Variants in ATRNL1 observed in about 807,000 individuals in gnomAD.
ATRNL1 encodes attractin-like protein 1.
In ATRNL1, 95 loss-of-function variants were observed where a neutral mutation model predicts 182.7. The observed-to-expected ratio is 0.52, with a 90% CI of 0.44 to 0.62. ATRNL1 has a LOEUF of 0.62. ATRNL1 is among the 20% of genes least tolerant of loss of function. The pLI is 0.00. For missense variants in ATRNL1, 1,471 were observed against 1,679.5 expected (o/e 0.88, Z 2.17); for synonymous variants, 576 against 568.3 (o/e 1.01, Z -0.19).
intron 25 of ATRNL1, among the ~76,000 whole-genome samples, chr10:115,534,717 T>G (rs1215377705): frequency 1.3e-5 from 2 of 152,004 alleles, no homozygotes; most frequent in African/African-American, 4.8e-5. Flanking sequence ...GTCTTTACAT[T>G]TTGGCATGAT....
At chr10:115,303,696 T>C (rs1029168752) in intron 17 of ATRNL1, among the ~76,000 whole-genome samples, 1 of 152,178 alleles carries the variant, frequency 6.6e-6, no homozygotes, top group Non-Finnish European at 1.5e-5. Context: ...GGAGCAAGAC[T>C]CCTTGGATTT....
At chr10:115,305,004 A>G (rs1247528353) in intron 17 of ATRNL1, among the ~76,000 whole-genome samples, 1 of 151,836 alleles carries the variant, frequency 6.6e-6, no homozygotes, top group Non-Finnish European at 1.5e-5. Flanking sequence ...TAATTTCTTA[A>G]TAACTTCTAT....
intron 27 of ATRNL1, among the ~76,000 whole-genome samples, chr10:115,773,925 G>A (rs1949056233): frequency 6.6e-6 from 1 of 152,110 alleles, no homozygotes; most frequent in African/African-American, 2.4e-5. Flanking sequence ...CTATGGGAAA[G>A]TATAGGATTT....
At chr10:115,888,362 A>G (rs938769879) in intron 28 of ATRNL1, among the ~76,000 whole-genome samples, 12 of 152,190 alleles carry the variant, frequency 7.9e-5, no homozygotes, top group African/African-American at 2.6e-4. Flanking sequence ...AATATCTGGC[A>G]CCCCATTAGA....
chr10:115,726,625 G>GTC (rs1947605056), intron 26 of ATRNL1, among the ~76,000 whole-genome samples: 1 of 152,176 alleles, frequency 6.6e-6, no homozygotes, highest in Admixed American at 6.5e-5. Context: ...TGCTGTAGAA[G>GTC]TCCTTGCACA....
At position 115,160,271 on chromosome 10, in the gene ATRNL1, G is replaced by A. The variant is rs1846718609; in HGVS notation, c.1004+57G>A. 2.2e-5 allele frequency: 32 copies of A among 1,470,056 alleles called. No homozygotes were observed. In the South Asian group the frequency reaches 3.3e-4, roughly 15 times the overall value. The allele number at this position is 1,470,056 out of a possible 1,614,324, so 91.1% of individuals were successfully genotyped here. On this transcript the variant is annotated intron_variant, in intron 6 of 28. Coordinates refer to ENST00000355044, the MANE Select transcript of ATRNL1 (RefSeq NM_207303.4). ...TTTAAGCTGGATTTTTATCCAAAAT[G>A]TCTTTTTTTTTTAATTGTTGTCCGA... is the stretch of plus-strand genomic sequence containing the variant.
chr10:115,254,310 T>C (rs1851017875), intron 10 of ATRNL1, among the ~76,000 whole-genome samples: 1 of 152,220 alleles, frequency 6.6e-6, no homozygotes, highest in Admixed American at 6.5e-5. Context: ...GTTTCCTGAC[T>C]TTTTAATGAT....
At chr10:115,472,358 T>A (rs375882475) in intron 24 of ATRNL1, among the ~76,000 whole-genome samples, 72 of 150,802 alleles carry the variant, frequency 4.8e-4, no homozygotes, top group African/African-American at 1.7e-3. Context: ...AATTTAAAAA[T>A]TTTTTTTTCT....
At chr10:115,130,815 T>C (rs1845198945) in intron 5 of ATRNL1, among the ~76,000 whole-genome samples, 1 of 152,130 alleles carries the variant, frequency 6.6e-6, no homozygotes, top group Admixed American at 6.6e-5. Context: ...AATAGAAATA[T>C]AGCTCATATA....
chr10:115,848,529 G>A (rs1174645002), intron 28 of ATRNL1, among the ~76,000 whole-genome samples: 1 of 152,104 alleles, frequency 6.6e-6, no homozygotes, highest in Admixed American at 6.6e-5. Context: ...ATGGACCAGG[G>A]AAACCCTCTG....
chr10:115,183,597 A>G (rs1345316475), intron 8 of ATRNL1, among the ~76,000 whole-genome samples: 1 of 151,574 alleles, frequency 6.6e-6, no homozygotes, highest in African/African-American at 2.4e-5. Flanking sequence ...GAAGAAATGA[A>G]TTATTTCATA....
intron 27 of ATRNL1, among the ~76,000 whole-genome samples, chr10:115,823,989 A>T (rs1258703860): frequency 1.3e-5 from 2 of 152,232 alleles, no homozygotes; most frequent in Non-Finnish European, 2.9e-5. Context: ...AGTCAAAAAG[A>T]ACAAAGCTGG....
At chr10:115,399,904 G>A (rs373753506) in intron 20 of ATRNL1, among the ~76,000 whole-genome samples, 9 of 152,032 alleles carry the variant, frequency 5.9e-5, no homozygotes, top group South Asian at 4.1e-4. Context: ...TGAAGGCACC[G>A]AAAGCAATTG....
chr10:115,289,739 T>C (rs1373540540), intron 15 of ATRNL1, among the ~76,000 whole-genome samples: 1 of 152,152 alleles, frequency 6.6e-6, no homozygotes, highest in Non-Finnish European at 1.5e-5. Context: ...TCAACTGGTG[T>C]ATGTTTATGT....
intron 27 of ATRNL1, among the ~76,000 whole-genome samples, chr10:115,764,204 A>G (rs1233623966): frequency 6.6e-6 from 1 of 152,122 alleles, no homozygotes; most frequent in East Asian, 1.9e-4. Flanking sequence ...GTAGGTACTG[A>G]GATTTCCTAT....
intron 19 of ATRNL1, among the ~76,000 whole-genome samples, chr10:115,391,032 T>A (rs1398885920): frequency 6.6e-6 from 1 of 152,242 alleles, no homozygotes; most frequent in African/African-American, 2.4e-5. Flanking sequence ...GTATCAGTTC[T>A]AACATATTTT....
At position 115,605,820 on chromosome 10, in the gene ATRNL1, A is replaced by G. The variant is rs78197052; in HGVS notation, c.3795+56284A>G. Among the ~76,000 whole-genome samples, 16 of 151,666 alleles carry G rather than the reference A, an allele frequency of 1.1e-4. No homozygotes were observed. In the Middle Eastern group the frequency reaches 0.01, roughly 98 times the overall value. The stretch of plus-strand genomic sequence containing the variant: ...AACAGAGTGCGATCAGTCTACAAAT[A>G]ATAATAATAATAATAATAATTCAAT... On this transcript the variant is annotated intron_variant, in intron 26 of 28. Transcript: ENST00000355044.
intron 6 of ATRNL1, among the ~76,000 whole-genome samples, chr10:115,163,277 C>T (rs1050111348): frequency 8.7e-5 from 13 of 149,140 alleles, no homozygotes; most frequent in African/African-American, 2.5e-4. Context: ...TTTTTCTTAG[C>T]GTTTTTAGTT....
rs371832562 is a variant in ATRNL1, at chr10:115,684,448, G to GT, written c.3796-42789dup. Among the ~76,000 whole-genome samples, 648 of 143,138 alleles carry GT rather than the reference G, an allele frequency of 4.5e-3. 5 individuals are homozygous for GT. Among genetic ancestry groups the GT allele is most frequent in the African/African-American group, 0.011 (412 of 39,120 alleles). The allele number at this position is 143,138 out of a possible 152,430, so 93.9% of individuals were successfully genotyped here. A position where few individuals can be genotyped will look rare whatever the true frequency, so the allele number is the denominator to read the frequency against. ...ATTAGTACAAATAAAAAAAGTTTCT[G>GT]TTTTTTTTTTTATTTTTCCTCTAAC... On this transcript the variant is annotated intron_variant, in intron 26 of 28. Transcript: ENST00000355044.
Sources: gnomAD v4.1 joint callset for allele counts (sites outside exome capture counted in the v4.1 genomes callset) on GRCh38, gnomAD v4.1.1 for gene constraint, MANE v1.5 for transcripts, NCBI Gene and HGNC (gene_info 2026-07-23, HGNC 2026-07-21) for gene names.